UGGT2: variants seen among roughly 807,000 people sequenced by gnomAD.
The protein encoded by UGGT2 is UDP-glucose glycoprotein glucosyltransferase 2.
UGGT2 carries 180 observed loss-of-function variants against 192.1 expected under a neutral mutation model. The observed-to-expected ratio is 0.94, with a 90% CI of 0.83 to 1.06. UGGT2 has a LOEUF of 1.06. Ranked by LOEUF, UGGT2 falls within the 50% of genes least tolerant of loss-of-function variation. UGGT2 has a pLI of 0.00. For missense variants in UGGT2, 1,849 were observed against 1,795.7 expected (o/e 1.03, Z -0.54); for synonymous variants, 580 against 591.0 (o/e 0.98, Z 0.27).
At chr13:95,942,241 TG>T (rs1429687722) in intron 15 of UGGT2, among the ~76,000 whole-genome samples, 19 of 143,824 alleles carry the variant, frequency 1.3e-4, no homozygotes, top group African/African-American at 5.2e-4. Context: ...TGTGTGTGTG[TG>T]TGTGTGTGTG....
chr13:96,021,472 A>T (rs1170660006), intron 4 of UGGT2, among the ~76,000 whole-genome samples: 1 of 152,234 alleles, frequency 6.6e-6, no homozygotes, highest in Non-Finnish European at 1.5e-5. Context: ...ATATTAACTC[A>T]TCCAGAATAA....
Position 95,936,935 on chromosome 13 carries a change from C to T in UGGT2, c.1966G>A (p.Glu656Lys). ...MMDASVYLQR[E>K]VFLGTLNDRT... Reference sequence around the variant, plus strand: ...AAATGCTTACCTACCAAAAAAACTTCTCTTTGTAAATATACAGATGCATCC... The same window carrying T: ...AAATGCTTACCTACCAAAAAAACTTTTCTTTGTAAATATACAGATGCATCC... Residue 656 changes from glutamate (E) to lysine (K), a missense_variant, in exon 17 of 39, where the codon GAA becomes AAA. Coordinates refer to ENST00000376747, the MANE Select transcript of UGGT2 (RefSeq NM_020121.4). 6.5e-7 allele frequency: 1 copy of T among 1,528,066 alleles called. No individual in the cohort carries two copies. Among genetic ancestry groups the T allele is most frequent in the Non-Finnish European group, 8.7e-7 (1 of 1,144,738 alleles). 94.7% of individuals were successfully genotyped at this position (1,528,066 alleles called of 1,614,324 possible). A position where few individuals can be genotyped will look rare whatever the true frequency, so the allele number is the denominator to read the frequency against.
At chr13:95,903,518 G>C (rs2048174396) in intron 20 of UGGT2, among the ~76,000 whole-genome samples, 1 of 152,056 alleles carries the variant, frequency 6.6e-6, no homozygotes, top group Admixed American at 6.6e-5. Flanking sequence ...CTTCTTTATA[G>C]TTTATCCCCT....
intron 7 of UGGT2, 32 bp downstream of exon 7, chr13:95,996,031 A>T (rs749287621): frequency 3.1e-6 from 5 of 1,589,748 alleles, no homozygotes; most frequent in Non-Finnish European, 4.3e-6. Flanking sequence ...AATGGGTATA[A>T]TAATACCAAT....
Position 96,048,585 on chromosome 13 carries a change from C to T in UGGT2, c.158+4570G>A, listed in dbSNP as rs193285570. On this transcript the variant is annotated intron_variant, in intron 1 of 38. Transcript: ENST00000376747. ...GAAAAGATCAACAAAATTGATAGAC[C>T]GCTAGCAAGACTAATAAAGAAGAAA... is the stretch of plus-strand genomic sequence containing the variant. 4.3e-3 allele frequency among the ~76,000 whole-genome samples: 654 copies of T among 151,890 alleles called. 2 individuals carry two copies. Among genetic ancestry groups the T allele is most frequent in the Non-Finnish European group, 5.4e-3 (367 of 67,960 alleles).
At position 95,890,963 on chromosome 13, in the gene UGGT2, C is replaced by T. The variant is rs2047784509; in HGVS notation, c.2857G>A (p.Val953Ile). 1 of 1,599,198 alleles carries T rather than the reference C, an allele frequency of 6.3e-7. No individual in the cohort carries two copies. The highest frequency in any genetic ancestry group is 1.1e-5 in the South Asian group (1 of 89,424). ...TTCTCTTGAGGATTCGTCTTTATAA[C>T]ACTAAGAAAATAGAAAATAAGATGA... ...DVTFLRENHS[V>I]IKTNPQENDM... The change falls in exon 25 of 39, where the codon GTT (valine) becomes ATT (isoleucine). Residue 953 changes from valine (V) to isoleucine (I), a missense_variant and splice_region_variant. By Grantham distance (29) the Val-to-Ile change is conservative (BLOSUM62 3). Coordinates refer to ENST00000376747, the MANE Select transcript of UGGT2 (RefSeq NM_020121.4).
intron 36 of UGGT2, among the ~76,000 whole-genome samples, chr13:95,838,013 A>G (rs916948936): frequency 2.6e-5 from 4 of 152,160 alleles, no homozygotes; most frequent in Non-Finnish European, 1.5e-5. Context: ...AGGGAAAAAA[A>G]CCTGTCACTG....
chr13:95,982,547 G>T (rs2051160010), intron 10 of UGGT2, among the ~76,000 whole-genome samples: 1 of 152,034 alleles, frequency 6.6e-6, no homozygotes, highest in Non-Finnish European at 1.5e-5. Flanking sequence ...CAATTTGTGG[G>T]CCCTATGTAA....
Position 95,853,716 on chromosome 13 carries a change from T to C in UGGT2, c.4170-59A>G, listed in dbSNP as rs1409224053. 2.0e-5 allele frequency: 24 copies of C among 1,187,358 alleles called. No homozygotes were observed. The East Asian group carries it at 5.0e-4, about 25-fold the overall frequency. 73.6% of individuals were successfully genotyped at this position (1,187,358 alleles called of 1,614,324 possible). A position where few individuals can be genotyped will look rare whatever the true frequency, so the allele number is the denominator to read the frequency against. On this transcript the variant is annotated intron_variant, in intron 35 of 38. Coordinates refer to ENST00000376747, the MANE Select transcript of UGGT2 (RefSeq NM_020121.4). ...TTGTTTATGTAGTTTTAGTTTTACT[T>C]TCCTCCAGTGAGTGTCTACAGTGAC... is the stretch of plus-strand genomic sequence containing the variant.
chr13:95,941,535 T>A (rs951126163), intron 15 of UGGT2, among the ~76,000 whole-genome samples: 1 of 152,002 alleles, frequency 6.6e-6, no homozygotes, highest in Non-Finnish European at 1.5e-5. Flanking sequence ...TAAATGGAGA[T>A]CACAAAAATG....
Position 95,853,620 on chromosome 13 carries a change from T to C in UGGT2, c.4207A>G (p.Ile1403Val), listed in dbSNP as rs35072323. Reference protein sequence around the residue: ...YVVDLKKFRRIGAGDRLRSQY... With the variant: ...YVVDLKKFRRVGAGDRLRSQY... ...CTCCTGAGCCTGTCACCTGCTCCAA[T>C]TCTCCTGAACTTCTTGAGATCCACT... is the stretch of plus-strand genomic sequence containing the variant. Residue 1403 changes from isoleucine (I) to valine (V), a missense_variant, in exon 36 of 39, where the codon ATT becomes GTT. Physicochemically the swap from Ile to Val is conservative, Grantham distance 29. Transcript: ENST00000376747. The C allele has an allele frequency of 3.0e-4, 473 of 1,592,646 alleles. 2 individuals carry two copies. Among genetic ancestry groups the C allele is most frequent in the Middle Eastern group, 1.7e-3 (10 of 5,918 alleles).
At chr13:95,854,796 C>CAG (rs1889420373) in intron 34 of UGGT2, among the ~76,000 whole-genome samples, 2 of 152,118 alleles carry the variant, frequency 1.3e-5, no homozygotes, top group South Asian at 2.1e-4. Flanking sequence ...TACGTAAGTG[C>CAG]AGAGCTCTTA....
At chr13:95,928,797 G>A (rs1467421840) in intron 17 of UGGT2, among the ~76,000 whole-genome samples, 1 of 152,182 alleles carries the variant, frequency 6.6e-6, no homozygotes, top group Non-Finnish European at 1.5e-5. Flanking sequence ...CGGGGTGGCG[G>A]CCGGGCAGAG....
At chr13:95,923,089 T>A (rs1250549150) in intron 20 of UGGT2, among the ~76,000 whole-genome samples, 1 of 152,160 alleles carries the variant, frequency 6.6e-6, no homozygotes, top group Non-Finnish European at 1.5e-5. Flanking sequence ...TCTCACTCTA[T>A]TACCCAGGCT....
intron 33 of UGGT2, among the ~76,000 whole-genome samples, chr13:95,858,265 C>G (rs1889813461): frequency 6.6e-6 from 1 of 151,948 alleles, no homozygotes. Context: ...GAAATATCCT[C>G]TACCCTTGGA....
intron 35 of UGGT2, 89 bp downstream of exon 35, chr13:95,854,226 A>C: frequency 7.0e-7 from 1 of 1,438,062 alleles, no homozygotes; most frequent in Non-Finnish European, 9.4e-7. Context: ...TGTAATTTTT[A>C]AGAAAACTGT....
At position 95,933,906 on chromosome 13, in the gene UGGT2, G is replaced by A. The variant is rs184711844; in HGVS notation, c.1977+3018C>T. ...TCACTGTGTTAGCCAGGATGGTCTC[G>A]ATCTCCTGACCTCGTGATCTGCCCA... On this transcript the variant is annotated intron_variant, in intron 17 of 38. Coordinates refer to ENST00000376747, the MANE Select transcript of UGGT2 (RefSeq NM_020121.4). Among the ~76,000 whole-genome samples the A allele has an allele frequency of 3.3e-3, 500 of 152,098 alleles. 3 individuals are homozygous for A. Among genetic ancestry groups the A allele is most frequent in the African/African-American group, 0.011 (460 of 41,516 alleles).
At chr13:95,854,956 T>C (rs1889436622) in intron 34 of UGGT2, among the ~76,000 whole-genome samples, 1 of 151,720 alleles carries the variant, frequency 6.6e-6, no homozygotes, top group South Asian at 2.1e-4. Flanking sequence ...TTTAATATGC[T>C]CAAGCCTTCT....
chr13:95,914,190 T>C (rs542475340), intron 20 of UGGT2, among the ~76,000 whole-genome samples: 15 of 151,646 alleles, frequency 9.9e-5, no homozygotes, highest in Middle Eastern at 3.4e-3. Context: ...GGCACATATA[T>C]ACCTATGTAT....
Sources: gnomAD v4.1 joint callset for allele counts (sites outside exome capture counted in the v4.1 genomes callset) on GRCh38, gnomAD v4.1.1 for gene constraint, MANE v1.5 for transcripts, NCBI Gene and HGNC (gene_info 2026-07-23, HGNC 2026-07-21) for gene names.